The following GPC5 variants were observed in gnomAD, a reference collection of about 807,000 sequenced individuals.
The protein encoded by GPC5 is glypican 5.
A neutral mutation model predicts 53.9 loss-of-function variants in GPC5; 47 were observed. The observed-to-expected ratio is 0.87, with a 90% confidence interval of 0.69 to 1.11. The LOEUF (loss-of-function observed/expected upper bound fraction) is 1.11, where lower values mean the gene tolerates loss of function less well. GPC5 is among the 50% of genes most tolerant of loss of function. The pLI is 0.00. For synonymous variants in GPC5, 286 were observed against 263.3 expected (o/e 1.09, Z -0.84); for missense variants, 748 against 713.1 (o/e 1.05, Z -0.56).
chr13:91,913,406 A>AG (rs1375529764), intron 6 of GPC5, among the ~76,000 whole-genome samples: 2 of 151,918 alleles, frequency 1.3e-5, no homozygotes, highest in African/African-American at 4.8e-5. Flanking sequence ...CAAAAAAAAA[A>AG]AAAAGGGAAA....
At position 91,988,712 on chromosome 13, in the gene GPC5, A is replaced by G. The variant is rs1335620789; in HGVS notation, c.1401+80655A>G. The stretch of plus-strand genomic sequence containing the variant: ...TTGTATTATGGGGAAATAAACCTGG[A>G]CCCATAAACAGTAATTCATTTTAGA... On this transcript the variant is annotated intron_variant, in intron 6 of 7. Coordinates refer to ENST00000377067, the MANE Select transcript of GPC5 (RefSeq NM_004466.6). Among the ~76,000 whole-genome samples the G allele has an allele frequency of 7.2e-5, 11 of 152,276 alleles. No homozygotes were observed. The East Asian group carries it at 2.1e-3, about 29-fold the overall frequency.
chr13:92,652,722 T>C (rs1259174319), intron 7 of GPC5, among the ~76,000 whole-genome samples: 2 of 152,214 alleles, frequency 1.3e-5, no homozygotes, highest in African/African-American at 4.8e-5. Context: ...TAAATATTGA[T>C]CAGATGATCT....
At chr13:91,771,057 C>T (rs949113952) in intron 5 of GPC5, among the ~76,000 whole-genome samples, 11 of 152,030 alleles carry the variant, frequency 7.2e-5, no homozygotes, top group East Asian at 1.9e-4. Context: ...GAGAATAAAG[C>T]GTATACAACT....
At chr13:92,800,303 G>A (rs1876852620) in intron 7 of GPC5, among the ~76,000 whole-genome samples, 1 of 151,766 alleles carries the variant, frequency 6.6e-6, no homozygotes, top group African/African-American at 2.4e-5. Context: ...CATGCTACAT[G>A]GCCTCTCCCC....
At chr13:92,107,341 T>C (rs1200043439) in intron 6 of GPC5, among the ~76,000 whole-genome samples, 2 of 151,980 alleles carry the variant, frequency 1.3e-5, no homozygotes, top group Admixed American at 6.6e-5. Flanking sequence ...ACCTGGTAAA[T>C]ACAAATTATT....
intron 2 of GPC5, among the ~76,000 whole-genome samples, chr13:91,596,711 C>T (rs981148705): frequency 3.3e-5 from 5 of 152,058 alleles, no homozygotes; most frequent in African/African-American, 1.2e-4. Flanking sequence ...GTTAATTTTT[C>T]CTTACCACAA....
chr13:92,291,249 A>G (rs9516045), intron 7 of GPC5, among the ~76,000 whole-genome samples: 54,174 of 151,978 alleles, frequency 0.36, 10,301 homozygotes, highest in Middle Eastern at 0.5. Flanking sequence ...CACGGGACTG[A>G]CAGGCAGCTC....
At chr13:91,501,532 G>T (rs1884636925) in intron 2 of GPC5, among the ~76,000 whole-genome samples, 1 of 152,090 alleles carries the variant, frequency 6.6e-6, no homozygotes, top group Admixed American at 6.5e-5. Flanking sequence ...TGCTAAGAAT[G>T]ATGGTTTCCA....
chr13:91,689,163 T>C (rs925906552), intron 2 of GPC5, among the ~76,000 whole-genome samples: 9 of 131,168 alleles, frequency 6.9e-5, no homozygotes, highest in Non-Finnish European at 1.3e-4. Flanking sequence ...AGCAAAATGT[T>C]GTCTCAAAAA....
chr13:92,337,792 C>T (rs981111202), intron 7 of GPC5, among the ~76,000 whole-genome samples: 2 of 152,026 alleles, frequency 1.3e-5, no homozygotes, highest in African/African-American at 4.8e-5. Flanking sequence ...GACTTTACAC[C>T]CTTCACAAAA....
At chr13:91,419,247 A>G (rs555349083) in intron 1 of GPC5, among the ~76,000 whole-genome samples, 162 of 152,308 alleles carry the variant, frequency 1.1e-3, no homozygotes, top group Non-Finnish European at 1.9e-3. Flanking sequence ...ATTAGTTTAA[A>G]TGAATGTACA....
intron 7 of GPC5, among the ~76,000 whole-genome samples, chr13:92,583,938 G>C (rs182641412): frequency 1.3e-5 from 2 of 152,098 alleles, no homozygotes; most frequent in African/African-American, 4.8e-5. Context: ...TGCCATCCAC[G>C]TAAGATGTGA....
Position 92,469,224 on chromosome 13 carries a change from T to C in GPC5, c.1561+324235T>C, listed in dbSNP as rs545170495. 3.3e-5 allele frequency among the ~76,000 whole-genome samples: 5 copies of C among 152,210 alleles called. No individual in the cohort carries two copies. The East Asian group carries it at 5.8e-4, about 18-fold the overall frequency. ...CTCTCTAATTTTTTTTTCTTTTCTTTTTGAGATGGAATATCGCTCTGTCAC... is the reference window on the plus strand; with the variant it reads ...CTCTCTAATTTTTTTTTCTTTTCTTCTTGAGATGGAATATCGCTCTGTCAC... On this transcript the variant is annotated intron_variant, in intron 7 of 7. Coordinates refer to ENST00000377067, the MANE Select transcript of GPC5 (RefSeq NM_004466.6).
At position 92,594,245 on chromosome 13, in the gene GPC5, T is replaced by G. The variant is rs150645055; in HGVS notation, c.1562-272037T>G. Among the ~76,000 whole-genome samples the G allele has an allele frequency of 6.7e-3, 1,023 of 152,196 alleles. 13 individuals carry two copies. The highest frequency in any genetic ancestry group is 0.023 in the African/African-American group (945 of 41,542). ...CAGGGTTGATTGAAGGTATTTTAAG[T>G]AGCTACCAGATACCACACTTTACTT... On this transcript the variant is annotated intron_variant, in intron 7 of 7. Coordinates refer to ENST00000377067, the MANE Select transcript of GPC5 (RefSeq NM_004466.6).
At chr13:92,266,642 T>A (rs2042804270) in intron 7 of GPC5, among the ~76,000 whole-genome samples, 1 of 151,876 alleles carries the variant, frequency 6.6e-6, no homozygotes, top group Non-Finnish European at 1.5e-5. Flanking sequence ...AGGGAGAGAT[T>A]GGGTGGAATG....
chr13:91,635,771 T>G lies in GPC5; in HGVS notation c.326-57416T>G, dbSNP rs543854581. Among the ~76,000 whole-genome samples, 45 of 152,242 alleles carry G rather than the reference T, an allele frequency of 3.0e-4. 1 individual carries two copies. The South Asian group carries it at 8.3e-3, about 28-fold the overall frequency. ...ACACTGAAGCCAGGTATTCAGAGGT[T>G]TACACTTGCAGATAAACTTTAGAAT... On this transcript the variant is annotated intron_variant, in intron 2 of 7. Transcript: ENST00000377067.
chr13:92,773,506 C>G (rs192712089), intron 7 of GPC5, among the ~76,000 whole-genome samples: 1 of 152,072 alleles, frequency 6.6e-6, no homozygotes, highest in Non-Finnish European at 1.5e-5. Context: ...CAGACATATC[C>G]AATGATTATC....
chr13:91,905,824 GTAT>G (rs1172681344), intron 5 of GPC5, among the ~76,000 whole-genome samples: 6 of 152,106 alleles, frequency 3.9e-5, no homozygotes, highest in Admixed American at 1.3e-4. Flanking sequence ...TTGCTGAAAA[GTAT>G]TATGATATTT....
At chr13:92,814,412 G>A (rs1877393842) in intron 7 of GPC5, among the ~76,000 whole-genome samples, 2 of 151,912 alleles carry the variant, frequency 1.3e-5, no homozygotes, top group African/African-American at 4.9e-5. Flanking sequence ...TGTAATTCCA[G>A]CACTTTGGGA....
Sources: gnomAD v4.1 joint callset for allele counts (sites outside exome capture counted in the v4.1 genomes callset) on GRCh38, gnomAD v4.1.1 for gene constraint, MANE v1.5 for transcripts, NCBI Gene and HGNC (gene_info 2026-07-23, HGNC 2026-07-21) for gene names.